The following GMDS variants were observed in gnomAD, a reference collection of about 807,000 sequenced individuals.
The protein encoded by GMDS is GDP-mannose 4,6 dehydratase.
Under a neutral mutation model 49.9 loss-of-function variants are expected in GMDS, and 20 were observed. The ratio of observed to expected loss-of-function variants is 0.40; its 90% CI spans 0.28 to 0.58. GMDS has a LOEUF of 0.58. Ranked by LOEUF, GMDS falls within the 20% of genes least tolerant of loss-of-function variation. GMDS has a pLI of 0.42. For synonymous variants in GMDS, 177 were observed against 178.6 expected, an observed-to-expected ratio of 0.99 and a Z score of 0.07; for missense variants, 362 against 481.4, an observed-to-expected ratio of 0.75 and a Z score of 2.32.
At chr6:2,016,248 G>A (rs544103887) in intron 4 of GMDS, among the ~76,000 whole-genome samples, 2 of 150,568 alleles carry the variant, frequency 1.3e-5, no homozygotes, top group East Asian at 3.9e-4. Flanking sequence ...AACAGAGCAA[G>A]GCTCGGTCTC....
At position 2,157,670 on chromosome 6, in the gene GMDS, A is replaced by C. The variant is rs191105683; in HGVS notation, c.103-32939T>G. On this transcript the variant is annotated intron_variant, in intron 1 of 10. Transcript: ENST00000380815. The stretch of plus-strand genomic sequence containing the variant: ...AGAAATTAGGGCTTCAGTAATTAGG[A>C]AACCACAAGGCACTAGGCATCTTGC... Among the ~76,000 whole-genome samples, 21 of 152,344 alleles carry C rather than the reference A, an allele frequency of 1.4e-4. No homozygotes were observed. The East Asian group carries it at 3.7e-3, about 27-fold the overall frequency.
intron 4 of GMDS, among the ~76,000 whole-genome samples, chr6:1,994,291 A>T (rs1217388295): frequency 8.5e-5 from 13 of 152,136 alleles, no homozygotes; most frequent in Admixed American, 7.9e-4. Flanking sequence ...ACAAATATAC[A>T]ATCATGATAG....
At chr6:1,670,750 T>C (rs1465977465) in intron 9 of GMDS, among the ~76,000 whole-genome samples, 1 of 152,214 alleles carries the variant, frequency 6.6e-6, no homozygotes, top group East Asian at 1.9e-4. Flanking sequence ...TCTTCAGCCA[T>C]ACTTTTAGTT....
intron 7 of GMDS, among the ~76,000 whole-genome samples, chr6:1,757,402 G>T (rs1016287760): frequency 6.6e-6 from 1 of 152,174 alleles, no homozygotes; most frequent in African/African-American, 2.4e-5. Flanking sequence ...ACCTGGGTAA[G>T]CCATTCTAGA....
At chr6:2,079,655 C>T (rs1053406691) in intron 4 of GMDS, among the ~76,000 whole-genome samples, 1 of 152,028 alleles carries the variant, frequency 6.6e-6, no homozygotes, top group African/African-American at 2.4e-5. Flanking sequence ...TGTAAGGTTT[C>T]TGCTGAGAAA....
At chr6:2,120,050 C>T (rs1390679809) in intron 2 of GMDS, among the ~76,000 whole-genome samples, 2 of 152,138 alleles carry the variant, frequency 1.3e-5, no homozygotes, top group South Asian at 2.1e-4. Context: ...GAGGCAAGGA[C>T]GACTCCCAGG....
intron 4 of GMDS, among the ~76,000 whole-genome samples, chr6:2,024,748 A>T (rs569817057): frequency 1.3e-5 from 2 of 152,202 alleles, no homozygotes; most frequent in East Asian, 3.9e-4. Context: ...AACAAGATAG[A>T]ACTCATCTTT....
At chr6:1,877,626 A>C (rs1175557307) in intron 7 of GMDS, among the ~76,000 whole-genome samples, 1 of 142,118 alleles carries the variant, frequency 7.0e-6, no homozygotes, top group Non-Finnish European at 1.5e-5. Flanking sequence ...TGACAGAGTG[A>C]GACCCCATCT....
chr6:1,749,224 T>G (rs1450445325), intron 7 of GMDS, among the ~76,000 whole-genome samples: 1 of 152,182 alleles, frequency 6.6e-6, no homozygotes, highest in African/African-American at 2.4e-5. Context: ...GATGTTTGCT[T>G]TCACTTTGCC....
In GMDS at chr6:2,191,939, C is replaced by T. The variant is rs1025932589; in HGVS notation, c.102+53382G>A. Reference sequence around the variant, plus strand: ...GCAGGCTTATGGTGACTTTTCTGGGCCTGCCCATGACCACCCATGGACCAA... The same window carrying T: ...GCAGGCTTATGGTGACTTTTCTGGGTCTGCCCATGACCACCCATGGACCAA... On this transcript the variant is annotated intron_variant, in intron 1 of 10. Coordinates refer to ENST00000380815, the MANE Select transcript of GMDS (RefSeq NM_001500.4). The surrounding 1 kb of genome is among the most constrained non-coding windows in gnomAD (Gnocchi z 4.6). Among the ~76,000 whole-genome samples the T allele has an allele frequency of 6.6e-6, 1 of 152,142 alleles. No individual in the cohort carries two copies. The highest frequency in any genetic ancestry group is 1.5e-5 in the Non-Finnish European group (1 of 67,990).
intron 7 of GMDS, among the ~76,000 whole-genome samples, chr6:1,823,989 G>A (rs1469359319): frequency 6.6e-6 from 1 of 152,066 alleles, no homozygotes; most frequent in African/African-American, 2.4e-5. Context: ...CACTCAGGCT[G>A]TTCTCATGAC....
chr6:1,647,038 C>T (rs752942057), intron 9 of GMDS, among the ~76,000 whole-genome samples: 3 of 152,072 alleles, frequency 2.0e-5, no homozygotes, highest in African/African-American at 4.8e-5. Flanking sequence ...GGAAGGATGG[C>T]GGAAAGGGCT....
chr6:1,731,665 T>C (rs1374938901), intron 8 of GMDS, among the ~76,000 whole-genome samples: 1 of 152,248 alleles, frequency 6.6e-6, no homozygotes, highest in Non-Finnish European at 1.5e-5. Flanking sequence ...AAAGTATTTG[T>C]TTCCCAGGTA....
At chr6:1,804,370 C>T (rs1033637800) in intron 7 of GMDS, among the ~76,000 whole-genome samples, 57 of 152,274 alleles carry the variant, frequency 3.7e-4, no homozygotes, top group African/African-American at 1.3e-3. Flanking sequence ...GGCCAGCGGG[C>T]AGATGCCCAT....
chr6:2,113,732 A>G (rs1001711778), intron 4 of GMDS, among the ~76,000 whole-genome samples: 1 of 151,928 alleles, frequency 6.6e-6, no homozygotes, highest in African/African-American at 2.4e-5. Context: ...CACCCCTCCT[A>G]GAGTTGAAAC....
At chr6:1,656,144 T>A (rs1381106089) in intron 9 of GMDS, among the ~76,000 whole-genome samples, 3 of 152,226 alleles carry the variant, frequency 2.0e-5, no homozygotes, top group Non-Finnish European at 4.4e-5. Flanking sequence ...CAAGTTGATC[T>A]TAACTAATAA....
intron 7 of GMDS, among the ~76,000 whole-genome samples, chr6:1,899,527 C>T (rs1760389972): frequency 6.6e-6 from 1 of 152,144 alleles, no homozygotes; most frequent in Non-Finnish European, 1.5e-5. Flanking sequence ...GTCAAGAAAG[C>T]CTGGTGCTAT....
Position 2,203,539 on chromosome 6 carries a change from C to T in GMDS, c.102+41782G>A, listed in dbSNP as rs1195257587. On this transcript the variant is annotated intron_variant, in intron 1 of 10. Coordinates refer to ENST00000380815, the MANE Select transcript of GMDS (RefSeq NM_001500.4). ...CAGTACAGTAGGCCCACTGTGGAAG[C>T]ACAGTGTGAATACTGGTGTGACATT... Among the ~76,000 whole-genome samples the T allele has an allele frequency of 2.6e-5, 4 of 152,162 alleles. No individual in the cohort carries two copies. In the East Asian group the frequency reaches 7.7e-4, roughly 29 times the overall value.
intron 7 of GMDS, among the ~76,000 whole-genome samples, chr6:1,918,597 A>C (rs1408493776): frequency 6.6e-6 from 1 of 152,006 alleles, no homozygotes; most frequent in Admixed American, 6.6e-5. Context: ...AAGAAAAAAA[A>C]ATTCAGCCGG....
Sources: allele counts gnomAD v4.1 joint callset (sites outside exome capture counted in the v4.1 genomes callset), GRCh38; gene constraint gnomAD v4.1.1; non-coding constraint Gnocchi (gnomAD v3.1); transcripts MANE v1.5; gene names NCBI Gene and HGNC (gene_info 2026-07-23, HGNC 2026-07-21).